LNX1: variants seen among roughly 807,000 people sequenced by gnomAD.
LNX1 encodes the protein E3 ubiquitin-protein ligase LNX.
Under a neutral mutation model 68.4 loss-of-function variants are expected in LNX1, and 54 were observed. The observed-to-expected ratio is 0.79, with a 90% CI of 0.63 to 0.99. LNX1 has a LOEUF of 0.99. LNX1 is among the 50% of genes least tolerant of loss of function. The pLI, the probability that LNX1 is intolerant of heterozygous loss-of-function variation, is 0.00. For missense variants in LNX1, 906 were observed against 926.4 expected (o/e 0.98, Z 0.29); for synonymous variants, 336 against 350.0 (o/e 0.96, Z 0.45).
Position 53,461,508 on chromosome 4 carries a change from A to ATTC in LNX1, c.1975_1977dup (p.Glu659dup). On this transcript the variant is annotated inframe_insertion, in exon 10 of 11. Transcript: ENST00000263925. ...ATGAAAAAAGGTTTGTTTCCATTGT[A>ATTC]TTCTTCATAACCTCCTACAATGCAG... The ATTC allele has an allele frequency of 1.2e-6, 2 of 1,612,328 alleles. No homozygotes were observed. Among genetic ancestry groups the ATTC allele is most frequent in the East Asian group, 2.2e-5 (1 of 44,830 alleles).
chr4:53,468,928 C>G (rs1203660411), intron 9 of LNX1, among the ~76,000 whole-genome samples: 1 of 152,162 alleles, frequency 6.6e-6, no homozygotes, highest in African/African-American at 2.4e-5. Context: ...TTAGACAGAT[C>G]AACGACACAG....
At chr4:53,589,642 C>T (rs1289956733) in intron 1 of LNX1, among the ~76,000 whole-genome samples, 1 of 152,204 alleles carries the variant, frequency 6.6e-6, no homozygotes, top group Non-Finnish European at 1.5e-5. Flanking sequence ...GATGAAGAAA[C>T]TGAAAGTCAG....
intron 2 of LNX1, among the ~76,000 whole-genome samples, chr4:53,614,329 C>T (rs1033908321): frequency 8.5e-5 from 13 of 152,226 alleles, no homozygotes; most frequent in African/African-American, 2.4e-4. Flanking sequence ...CTAAGACTTC[C>T]CCTCCCATGA....
upstream of LNX1, among the ~76,000 whole-genome samples, chr4:53,617,958 CA>C (rs1230856551): frequency 2.6e-5 from 4 of 152,040 alleles, no homozygotes; most frequent in African/African-American, 9.7e-5. Context: ...TATATATTAA[CA>C]ATTATTTTCT....
intron 2 of LNX1, among the ~76,000 whole-genome samples, chr4:53,531,136 G>T (rs780207321): frequency 1.1e-4 from 16 of 152,174 alleles, no homozygotes; most frequent in Non-Finnish European, 2.1e-4. Flanking sequence ...CAGACACACT[G>T]CTTTAGTCTC....
Position 53,495,835 on chromosome 4 carries a change from C to G in LNX1, c.1350+188G>C, listed in dbSNP as rs191995071. 2.6e-5 allele frequency among the ~76,000 whole-genome samples: 4 copies of G among 152,198 alleles called. No homozygotes were observed. In the East Asian group the frequency reaches 5.8e-4, roughly 22 times the overall value. On this transcript the variant is annotated intron_variant, in intron 6 of 10. Transcript: ENST00000263925. ...CTGGGATTACAGGCATGGGCCACCA[C>G]GCCCAGCCGAGTAATGTTCTTACCT... is the stretch of plus-strand genomic sequence containing the variant.
chr4:53,645,215 G>A (rs971089417), intron 1 of LNX1, among the ~76,000 whole-genome samples: 1 of 152,196 alleles, frequency 6.6e-6, no homozygotes, highest in African/African-American at 2.4e-5. Context: ...CAGAGGAAGG[G>A]CTCCTTTGGC....
rs17082975 is a variant in LNX1 at position 53,536,271 on chromosome 4, T to C, written c.381-28044A>G. On this transcript the variant is annotated intron_variant, in intron 2 of 10. Transcript: ENST00000263925. ...AATCCCATGGGAAATACCTAACAATTTCTTCCAGTGCCCAAAGCCACCTAC... is the reference window on the plus strand; with the variant it reads ...AATCCCATGGGAAATACCTAACAATCTCTTCCAGTGCCCAAAGCCACCTAC... Among the ~76,000 whole-genome samples, 854 of 152,294 alleles carry C rather than the reference T, an allele frequency of 5.6e-3. 9 individuals carry two copies. The highest frequency in any genetic ancestry group is 0.02 in the African/African-American group (821 of 41,560).
At chr4:53,471,328 A>G (rs1303585961) in intron 9 of LNX1, among the ~76,000 whole-genome samples, 2 of 152,072 alleles carry the variant, frequency 1.3e-5, no homozygotes, top group African/African-American at 4.8e-5. Flanking sequence ...TACACCTTAT[A>G]CAAAAATTAA....
intron 2 of LNX1, among the ~76,000 whole-genome samples, chr4:53,526,275 C>T (rs1359469260): frequency 6.6e-6 from 1 of 152,084 alleles, no homozygotes; most frequent in Non-Finnish European, 1.5e-5. Flanking sequence ...ATTTGAGGAG[C>T]TTATGAATGT....
At chr4:53,582,270 G>T (rs1007384830) in intron 1 of LNX1, among the ~76,000 whole-genome samples, 15 of 152,180 alleles carry the variant, frequency 9.9e-5, no homozygotes, top group African/African-American at 3.4e-4. Context: ...ATTGATTGTT[G>T]CTTCAGCTGA....
upstream of LNX1, among the ~76,000 whole-genome samples, chr4:53,595,508 T>A (rs1732708111): frequency 6.6e-6 from 1 of 152,234 alleles, no homozygotes; most frequent in Non-Finnish European, 1.5e-5. Flanking sequence ...ACTTCCAGGA[T>A]ATGCCATTTC....
intron 6 of LNX1, among the ~76,000 whole-genome samples, chr4:53,482,136 T>A (rs145684663): frequency 7.9e-5 from 12 of 152,230 alleles, no homozygotes; most frequent in Non-Finnish European, 4.4e-5. Context: ...ATATTGCTAA[T>A]TCATTTTTAA....
intron 5 of LNX1, among the ~76,000 whole-genome samples, chr4:53,498,153 G>A (rs549674851): frequency 5.9e-5 from 9 of 152,202 alleles, no homozygotes; most frequent in African/African-American, 2.2e-4. Context: ...TTATTTTCAG[G>A]GAGGGCCGTA....
rs562783862 is a variant in LNX1 at position 53,460,247 on chromosome 4, A to G, written c.*660T>C. ...TTTATACAGTTACTAACGATTGTGG[A>G]AAAAAAGAGCTTTAGCCATTTCTTA... On this transcript the variant is annotated 3_prime_UTR_variant, in exon 11 of 11. Transcript: ENST00000263925. 7 of 192,868 alleles carry G rather than the reference A, an allele frequency of 3.6e-5. No individual in the cohort carries two copies. The highest frequency in any genetic ancestry group is 1.6e-4 in the East Asian group (2 of 12,216). The allele number at this position is 192,868 out of a possible 1,614,324, so 11.9% of individuals were successfully genotyped here. A position where few individuals can be genotyped will look rare whatever the true frequency, so the allele number is the denominator to read the frequency against.
intron 2 of LNX1, among the ~76,000 whole-genome samples, chr4:53,515,166 G>A (rs1726665600): frequency 6.6e-6 from 1 of 152,156 alleles, no homozygotes; most frequent in African/African-American, 2.4e-5. Context: ...GACTGAGATG[G>A]CTTCCTCACA....
intron 9 of LNX1, among the ~76,000 whole-genome samples, chr4:53,472,686 A>AAC (rs200005530): frequency 0.14 from 9,339 of 68,478 alleles, 329 homozygotes; most frequent in Non-Finnish European, 0.18. Context: ...CAACAACAAC[A>AAC]AAAAAAAAAA....
At chr4:53,481,033 G>A (rs1346473669) in intron 7 of LNX1, among the ~76,000 whole-genome samples, 19 of 152,134 alleles carry the variant, frequency 1.2e-4, no homozygotes, top group Admixed American at 1.2e-3. Context: ...GCTTAAACAC[G>A]CATCCAAATG....
At chr4:53,517,993 C>T (rs1259262252) in intron 2 of LNX1, among the ~76,000 whole-genome samples, 1 of 152,196 alleles carries the variant, frequency 6.6e-6, no homozygotes, top group South Asian at 2.1e-4. Context: ...TAGCCCCTTT[C>T]TTCTGCCTCC....
Sources: allele counts gnomAD v4.1 joint callset (sites outside exome capture counted in the v4.1 genomes callset), GRCh38; gene constraint gnomAD v4.1.1; transcripts MANE v1.5; gene names NCBI Gene and HGNC (gene_info 2026-07-23, HGNC 2026-07-21).